Variants in BACH1 observed in about 807,000 individuals in gnomAD.
The protein encoded by BACH1 is transcription regulator protein BACH1.
In BACH1, 35 loss-of-function variants were observed where a neutral mutation model predicts 52.9. The observed-to-expected ratio is 0.66, with a 90% CI of 0.51 to 0.88. BACH1 has a LOEUF of 0.88. Ranked by LOEUF, BACH1 falls within the 40% of genes least tolerant of loss-of-function variation. The pLI, the probability that BACH1 is intolerant of heterozygous loss-of-function variation, is 0.00. For synonymous variants in BACH1, 321 were observed against 319.6 expected (o/e 1.00, Z -0.05); for missense variants, 808 against 872.6 (o/e 0.93, Z 0.93).
At chr21:29,347,619 T>C (rs113864872), downstream of BACH1, among the ~76,000 whole-genome samples, 732 of 152,296 alleles carry the variant, frequency 4.8e-3, 4 homozygotes, top group Admixed American at 9.0e-3. Context: ...GAGCATCTGT[T>C]CCAGAGGGCA....
chr21:29,349,763 A>T (rs1317086899), downstream of BACH1, among the ~76,000 whole-genome samples: 1 of 151,944 alleles, frequency 6.6e-6, no homozygotes, highest in Non-Finnish European at 1.5e-5. Flanking sequence ...TAAGAATATA[A>T]TTTTTCTTGG....
chr21:29,321,642 C>T (rs1244432079), intron 2 of BACH1, 128 bp downstream of exon 2: 7 of 673,204 alleles, frequency 1.0e-5, no homozygotes, highest in East Asian at 9.4e-5. Context: ...TTCTGTGCAA[C>T]CCCTTTTTTT....
intron 1 of BACH1, among the ~76,000 whole-genome samples, chr21:29,314,744 T>C (rs1006369867): frequency 6.6e-6 from 1 of 152,206 alleles, no homozygotes; most frequent in African/African-American, 2.4e-5. Flanking sequence ...CTTTTTTTTT[T>C]GTTTCCCATT....
At chr21:29,308,516 C>T (rs932594734) in intron 1 of BACH1, among the ~76,000 whole-genome samples, 3 of 152,102 alleles carry the variant, frequency 2.0e-5, no homozygotes, top group East Asian at 3.8e-4. Context: ...CACCCTCACC[C>T]CCCTTTTTGA....
In BACH1 at chr21:29,345,216, T is replaced by C. The variant is rs1462844585; in HGVS notation, c.*2383T>C. On this transcript the variant is annotated 3_prime_UTR_variant, in exon 5 of 5. Transcript: ENST00000286800. Reference sequence around the variant, plus strand: ...ATAAGTGGGAAAGTTTTCTGTATATTGCATAGCATTACACATTTATGCCTA... The same window carrying C: ...ATAAGTGGGAAAGTTTTCTGTATATCGCATAGCATTACACATTTATGCCTA... 1 of 152,682 alleles carries C rather than the reference T, an allele frequency of 6.5e-6. No homozygotes were observed. Among genetic ancestry groups the C allele is most frequent in the East Asian group, 1.9e-4 (1 of 5,206 alleles). The allele number at this position is 152,682 out of a possible 1,614,324, so 9.5% of individuals were successfully genotyped here. A position where few individuals can be genotyped will look rare whatever the true frequency, so the allele number is the denominator to read the frequency against.
At chr21:29,303,528 G>A (rs1197915420) in intron 1 of BACH1, among the ~76,000 whole-genome samples, 7 of 152,240 alleles carry the variant, frequency 4.6e-5, no homozygotes, top group Non-Finnish European at 8.8e-5. Flanking sequence ...TACCTTGTAA[G>A]TGTGCACTGA....
At chr21:29,305,860 A>T (rs192573765) in intron 1 of BACH1, among the ~76,000 whole-genome samples, 2 of 152,244 alleles carry the variant, frequency 1.3e-5, no homozygotes, top group Non-Finnish European at 2.9e-5. Flanking sequence ...TATGAAACAA[A>T]TGTTTAGGCT....
chr21:29,339,166 T>G (rs1230734038), intron 4 of BACH1, among the ~76,000 whole-genome samples: 1 of 152,132 alleles, frequency 6.6e-6, no homozygotes, highest in Non-Finnish European at 1.5e-5. Context: ...CAAGGGTAAA[T>G]ACATACATAA....
In BACH1 at chr21:29,327,330, C is replaced by T. The variant is rs201560153; in HGVS notation, c.1506C>T (p.Asp502=). The change falls in exon 3 of 5, where the codon GAC becomes GAT. Residue 502 remains aspartate (D), a synonymous_variant. Transcript: ENST00000286800. ...CPYACVISLG[D]DSETDTEGDS... Reference sequence around the variant, plus strand: ...ATGCTTGTGTCATTAGCTTGGGAGACGACTCTGAGACGGACACCGAAGGAG... The same window carrying T: ...ATGCTTGTGTCATTAGCTTGGGAGATGACTCTGAGACGGACACCGAAGGAG... The T allele has an allele frequency of 3.5e-5, 57 of 1,614,084 alleles. No individual in the cohort carries two copies. The highest frequency in any genetic ancestry group is 2.0e-4 in the East Asian group (9 of 44,878).
At chr21:29,304,568 A>G (rs186730175) in intron 1 of BACH1, among the ~76,000 whole-genome samples, 1 of 152,148 alleles carries the variant, frequency 6.6e-6, no homozygotes, top group East Asian at 1.9e-4. Flanking sequence ...AAGGTTTTCA[A>G]TTCCTTTGTA....
chr21:29,322,161 A>G (rs1308946860), intron 2 of BACH1, among the ~76,000 whole-genome samples: 1 of 152,162 alleles, frequency 6.6e-6, no homozygotes, highest in Non-Finnish European at 1.5e-5. Context: ...GTGACCTCCC[A>G]TTGGGTCCCT....
downstream of BACH1, among the ~76,000 whole-genome samples, chr21:29,347,567 C>T (rs960604573): frequency 6.6e-6 from 1 of 152,124 alleles, no homozygotes; most frequent in Non-Finnish European, 1.5e-5. Context: ...AAACATTGGC[C>T]CATTGCTCAA....
At chr21:29,308,610 A>T (rs1046636756) in intron 1 of BACH1, among the ~76,000 whole-genome samples, 1 of 152,180 alleles carries the variant, frequency 6.6e-6, no homozygotes, top group African/African-American at 2.4e-5. Flanking sequence ...GTTACTATGC[A>T]TACTATGTGT....
Position 29,358,812 on chromosome 21 carries a change from A to AAGAAAGAGAG in BACH1, c.472+29123_472+29124insAGAGAGAGAA, listed in dbSNP as rs370582692. On this transcript the variant is annotated intron_variant, in intron 2 of 4. Coordinates refer to the BACH1 transcript ENST00000422809. Reference sequence around the variant, plus strand: ...AAAGAAAGAAAGAAAGAAAGAAAGAAAGAAGAAAGAAAGAAATGTAAAAAG... The same window carrying AAGAAAGAGAG: ...AAAGAAAGAAAGAAAGAAAGAAAGAAAGAAAGAGAGAGAAGAAAGAAAGAAATGTAAAAAG... 3.8e-4 allele frequency among the ~76,000 whole-genome samples: 55 copies of AAGAAAGAGAG among 146,566 alleles called. No individual in the cohort carries two copies. The Middle Eastern group carries it at 0.017, about 46-fold the overall frequency.
intron 1 of BACH1, among the ~76,000 whole-genome samples, chr21:29,313,596 A>G (rs771870761): frequency 3.3e-5 from 5 of 152,248 alleles, no homozygotes; most frequent in South Asian, 2.1e-4. Flanking sequence ...TGGCATATCC[A>G]TGTAATGGAG....
intron 4 of BACH1, among the ~76,000 whole-genome samples, chr21:29,341,486 G>T (rs2089112117): frequency 6.6e-6 from 1 of 152,198 alleles, no homozygotes; most frequent in Admixed American, 6.5e-5. Context: ...CAAGAAGGAT[G>T]AAATGGGATG....
chr21:29,326,804 A>T lies in BACH1; in HGVS notation c.980A>T (p.His327Leu), dbSNP rs1413001796. The T allele has an allele frequency of 6.2e-7, 1 of 1,614,032 alleles. No individual in the cohort carries two copies. The highest frequency in any genetic ancestry group is 8.5e-7 in the Non-Finnish European group (1 of 1,180,050). Residue 327 changes from histidine to leucine, a missense_variant, in exon 3 of 5, where the codon CAC becomes CTC. By Grantham distance (99) the His-to-Leu change is moderately conservative. Transcript: ENST00000286800. ...PHGLYSLSLL[H>L]TYDQYGDLNF... The stretch of plus-strand genomic sequence containing the variant: ...GGACTTTATTCTTTGTCTCTTTTAC[A>T]CACATATGACCAATATGGTGACTTG...
rs572933902 is a variant in BACH1 at position 29,304,364 on chromosome 21, A to G, written c.-61+5411A>G. 7.9e-5 allele frequency among the ~76,000 whole-genome samples: 12 copies of G among 152,172 alleles called. No homozygotes were observed. The East Asian group carries it at 1.5e-3, about 20-fold the overall frequency. On this transcript the variant is annotated intron_variant, in intron 1 of 4. Coordinates refer to ENST00000286800, the MANE Select transcript of BACH1 (RefSeq NM_001186.4). ...GGTCTCGAACTCCTGACCTCAAGCA[A>G]TCCACCCGCCTTGGCTTCCCAAAGT...
chr21:29,329,811 C>A, intron 4 of BACH1, 118 bp downstream of exon 4: 1 of 715,994 alleles, frequency 1.4e-6, no homozygotes, highest in Non-Finnish European at 2.1e-6. Context: ...TAATATGTAT[C>A]AATTACCATT....
Sources: allele counts gnomAD v4.1 joint callset (sites outside exome capture counted in the v4.1 genomes callset), GRCh38; gene constraint gnomAD v4.1.1; transcripts MANE v1.5; gene names NCBI Gene and HGNC (gene_info 2026-07-23, HGNC 2026-07-21).